Variants in CALCRL observed in about 807,000 individuals in gnomAD.
CALCRL encodes calcitonin receptor like receptor.
In CALCRL, 27 loss-of-function variants were observed where a neutral mutation model predicts 60.4. The ratio of observed to expected loss-of-function variants is 0.45; its 90% confidence interval spans 0.33 to 0.62. The LOEUF is 0.62. CALCRL is among the 20% of genes least tolerant of loss of function. CALCRL has a pLI of 0.03. For synonymous variants in CALCRL, 190 were observed against 182.6 expected, an observed-to-expected ratio of 1.04 and a Z score of -0.33; for missense variants, 424 against 540.7, an observed-to-expected ratio of 0.78 and a Z score of 2.14.
In CALCRL at chr2:187,343,038, T is replaced by C. The variant is rs1457404669; in HGVS notation, c.*3146A>G. 1 of 151,546 alleles carries C rather than the reference T, an allele frequency of 6.6e-6. No homozygotes were observed. Among genetic ancestry groups the C allele is most frequent in the African/African-American group, 2.4e-5 (1 of 41,408 alleles). The allele number at this position is 151,546 out of a possible 1,614,324, so 9.4% of individuals were successfully genotyped here. On this transcript the variant is annotated 3_prime_UTR_variant, in exon 15 of 15. Coordinates refer to ENST00000392370, the MANE Select transcript of CALCRL (RefSeq NM_005795.6). ...ACATTTTCTTATTTTGAGACATCCT[T>C]TTTCTTCTTTCAGCATAAGAAGGAG... is the stretch of plus-strand genomic sequence containing the variant.
chr2:187,359,146 A>G lies in CALCRL; in HGVS notation c.843-17T>C. ...ATCCAGCAACTAGAGAAAACATAAT[A>G]ACATTATGTTGAAAATTTTTATTTT... On this transcript the variant is annotated splice_polypyrimidine_tract_variant and intron_variant, in intron 11 of 14. Transcript: ENST00000392370. The G allele has an allele frequency of 6.2e-7, 1 of 1,600,660 alleles. No individual in the cohort carries two copies. Among genetic ancestry groups the G allele is most frequent in the Non-Finnish European group, 8.6e-7 (1 of 1,168,474 alleles).
At chr2:187,391,207 T>C (rs1282080718) in intron 1 of CALCRL, among the ~76,000 whole-genome samples, 1 of 152,178 alleles carries the variant, frequency 6.6e-6, no homozygotes, top group African/African-American at 2.4e-5. Flanking sequence ...CTGCCTCTAA[T>C]TGGCTGATTC....
intron 12 of CALCRL, among the ~76,000 whole-genome samples, chr2:187,356,241 C>T (rs1686779710): frequency 6.6e-6 from 1 of 152,152 alleles, no homozygotes; most frequent in Non-Finnish European, 1.5e-5. Context: ...CGTCACGCTA[C>T]CTGACTTCAA....
At chr2:187,373,403 C>T (rs545279286) in intron 8 of CALCRL, among the ~76,000 whole-genome samples, 1 of 152,252 alleles carries the variant, frequency 6.6e-6, no homozygotes, top group South Asian at 2.1e-4. Context: ...TTACTTTTGA[C>T]TGATTTACTT....
rs1027464860 is a variant in CALCRL at position 187,344,665 on chromosome 2, A to T, written c.*1519T>A. On this transcript the variant is annotated 3_prime_UTR_variant, in exon 15 of 15. Coordinates refer to ENST00000392370, the MANE Select transcript of CALCRL (RefSeq NM_005795.6). ...TTTTTTCTCAATGATATATTCAAGT[A>T]TTTCCCTAATTTGTATTATATACAG... is the stretch of plus-strand genomic sequence containing the variant. 1.5e-4 allele frequency: 23 copies of T among 151,674 alleles called. No individual in the cohort carries two copies. The highest frequency in any genetic ancestry group is 5.3e-4 in the African/African-American group (22 of 41,404). The allele number at this position is 151,674 out of a possible 1,614,324, so 9.4% of individuals were successfully genotyped here. A position where few individuals can be genotyped will look rare whatever the true frequency, so the allele number is the denominator to read the frequency against.
chr2:187,355,636 C>T (rs990401783), intron 12 of CALCRL, among the ~76,000 whole-genome samples: 4 of 151,908 alleles, frequency 2.6e-5, no homozygotes, highest in Admixed American at 6.6e-5. Flanking sequence ...CACATACATA[C>T]ACAAGCACAT....
chr2:187,385,508 C>G (rs1369858363), intron 4 of CALCRL, 37 bp downstream of exon 4: 3 of 1,013,082 alleles, frequency 3.0e-6, no homozygotes, highest in Non-Finnish European at 4.5e-6. Context: ...ATACTGGAAG[C>G]AATAACAGAC....
chr2:187,399,203 A>T (rs1245319643), intron 1 of CALCRL, among the ~76,000 whole-genome samples: 1 of 151,608 alleles, frequency 6.6e-6, no homozygotes, highest in African/African-American at 2.4e-5. Context: ...GAAGAACATC[A>T]TCTTTTACAC....
At chr2:187,385,853 C>T (rs972156903) in intron 3 of CALCRL, among the ~76,000 whole-genome samples, 3 of 152,002 alleles carry the variant, frequency 2.0e-5, no homozygotes, top group South Asian at 2.1e-4. Flanking sequence ...CGAGTTCAAG[C>T]GATCCTCCCT....
intron 14 of CALCRL, among the ~76,000 whole-genome samples, chr2:187,350,952 T>C (rs1023089667): frequency 6.6e-6 from 1 of 151,732 alleles, no homozygotes; most frequent in African/African-American, 2.4e-5. Context: ...GCTAAGTCAA[T>C]AGAGCTCAGA....
chr2:187,346,807 A>C (rs1159422232), intron 14 of CALCRL, among the ~76,000 whole-genome samples: 3 of 150,670 alleles, frequency 2.0e-5, no homozygotes, highest in African/African-American at 4.9e-5. Flanking sequence ...AAAGATACAC[A>C]AAAGAAAAGA....
At chr2:187,362,699 A>G (rs1015471780) in intron 9 of CALCRL, among the ~76,000 whole-genome samples, 6 of 152,048 alleles carry the variant, frequency 3.9e-5, no homozygotes, top group Non-Finnish European at 7.4e-5. Flanking sequence ...ATATGCATAT[A>G]GCTTACACAA....
chr2:187,352,024 T>C (rs940112025), intron 13 of CALCRL, 63 bp from the exon 14 acceptor site: 5 of 1,535,700 alleles, frequency 3.3e-6, no homozygotes, highest in South Asian at 1.1e-5. Flanking sequence ...TGTAATCAAA[T>C]AGCTGTACAA....
intron 1 of CALCRL, among the ~76,000 whole-genome samples, chr2:187,430,876 AT>A (rs1175196781): frequency 6.6e-6 from 1 of 152,090 alleles, no homozygotes; most frequent in Non-Finnish European, 1.5e-5. Flanking sequence ...GTTAAACATA[AT>A]TTTTTGTATA....
At chr2:187,402,915 G>A (rs1688953160) in intron 1 of CALCRL, among the ~76,000 whole-genome samples, 1 of 151,554 alleles carries the variant, frequency 6.6e-6, no homozygotes, top group African/African-American at 2.4e-5. Context: ...GGGGCTTTTG[G>A]GAGATAATTG....
At chr2:187,355,558 G>T (rs530347356) in intron 12 of CALCRL, among the ~76,000 whole-genome samples, 1 of 151,976 alleles carries the variant, frequency 6.6e-6, no homozygotes, top group Non-Finnish European at 1.5e-5. Flanking sequence ...TTAAATAATA[G>T]AATATCTGTA....
At chr2:187,360,904 A>T (rs1157358606) in intron 9 of CALCRL, among the ~76,000 whole-genome samples, 153 bp from the exon 10 acceptor site, 1 of 152,090 alleles carries the variant, frequency 6.6e-6, no homozygotes, top group Non-Finnish European at 1.5e-5. Context: ...CAGTCTTCGT[A>T]TTCATGTAAT....
chr2:187,397,554 G>T (rs1243350133), intron 1 of CALCRL, among the ~76,000 whole-genome samples: 1 of 151,402 alleles, frequency 6.6e-6, no homozygotes, highest in Non-Finnish European at 1.5e-5. Flanking sequence ...TTTTTTATTT[G>T]TATAAATTTA....
chr2:187,409,010 T>C (rs934803778), intron 1 of CALCRL, among the ~76,000 whole-genome samples: 2 of 152,194 alleles, frequency 1.3e-5, no homozygotes, highest in Non-Finnish European at 2.9e-5. Context: ...TGTTCACAAC[T>C]ACTCTTGGTT....
Sources: gnomAD v4.1 joint callset for allele counts (sites outside exome capture counted in the v4.1 genomes callset) on GRCh38, gnomAD v4.1.1 for gene constraint, MANE v1.5 for transcripts, NCBI Gene and HGNC (gene_info 2026-07-23, HGNC 2026-07-21) for gene names.